Variants in SETX observed in about 807,000 individuals in gnomAD.
SETX encodes senataxin.
Under a neutral mutation model 227.2 loss-of-function variants are expected in SETX, and 90 were observed. The observed-to-expected ratio is 0.40, with a 90% CI of 0.33 to 0.47. SETX has a LOEUF of 0.47. SETX is among the 20% of genes least tolerant of loss of function. The pLI, the probability that SETX is intolerant of heterozygous loss-of-function variation, is 0.91. For synonymous variants in SETX, 1,210 were observed against 1,113.2 expected (o/e 1.09, Z -1.73); for missense variants, 3,052 against 3,181.5 (o/e 0.96, Z 0.98).
chr9:132,356,092 G>A (rs1158125160), upstream of SETX, among the ~76,000 whole-genome samples: 1 of 151,882 alleles, frequency 6.6e-6, no homozygotes, highest in Non-Finnish European at 1.5e-5. Context: ...CGAGACTGCA[G>A]TGAGCCGTGA....
chr9:132,300,558 C>T (rs1168865709), intron 12 of SETX, 72 bp downstream of exon 12: 3 of 1,494,504 alleles, frequency 2.0e-6, no homozygotes, highest in Admixed American at 1.7e-5. Flanking sequence ...ACTTGATATA[C>T]ACAATTGAGA....
At chr9:132,290,013 A>C (rs2131254824) in intron 15 of SETX, among the ~76,000 whole-genome samples, 1 of 152,258 alleles carries the variant, frequency 6.6e-6, no homozygotes, top group South Asian at 2.1e-4. Flanking sequence ...GTTTGAGACG[A>C]GCCTGGCCAA....
At position 132,327,840 on chromosome 9, in the gene SETX, T is replaced by C. The variant is rs1846932613; in HGVS notation, c.3758A>G (p.Gln1253Arg). 1 of 1,614,194 alleles carries C rather than the reference T, an allele frequency of 6.2e-7. No homozygotes were observed. Among genetic ancestry groups the C allele is most frequent in the East Asian group, 2.2e-5 (1 of 44,878 alleles). ...KKTHSDAKKG[Q>R]NRSSNYLSCR... ...ACTTAGGTAATTTGAACTTCTATTC[T>C]GTCCTTTTTTGGCATCTGAATGAGT... Residue 1253 changes from glutamine to arginine, a missense_variant, in exon 10 of 26, where the codon CAG becomes CGG. Physicochemically the swap from Gln to Arg is conservative, Grantham distance 43. Transcript: ENST00000224140.
In SETX at chr9:132,270,648, G is replaced by A. The variant is rs184585870; in HGVS notation, c.7200-946C>T. On this transcript the variant is annotated intron_variant, in intron 24 of 25. Coordinates refer to ENST00000224140, the MANE Select transcript of SETX (RefSeq NM_015046.7). Reference sequence around the variant, plus strand: ...CTATTTTTACCTGGATAAGATAATTGGAAATTTTAACAGTGCAATCTTGAA... The same window carrying A: ...CTATTTTTACCTGGATAAGATAATTAGAAATTTTAACAGTGCAATCTTGAA... 5.1e-4 allele frequency among the ~76,000 whole-genome samples: 78 copies of A among 152,280 alleles called. No homozygotes were observed. In the East Asian group the frequency reaches 9.1e-3, roughly 18 times the overall value.
intron 11 of SETX, among the ~76,000 whole-genome samples, chr9:132,308,861 G>C (rs1244051567): frequency 2.6e-5 from 4 of 152,150 alleles, no homozygotes; most frequent in Admixed American, 2.0e-4. Flanking sequence ...GAGCAAGGTA[G>C]GAGGGGTGAG....
In SETX at chr9:132,334,655, TTTTG is replaced by T. The variant is rs1411219432; in HGVS notation, c.787_790del (p.Gln263MetfsTer32). 1 of 1,613,974 alleles carries T rather than the reference TTTTG, an allele frequency of 6.2e-7. No homozygotes were observed. Among genetic ancestry groups the T allele is most frequent in the Non-Finnish European group, 8.5e-7 (1 of 1,179,972 alleles). On this transcript the variant is annotated frameshift_variant, in exon 7 of 26. Transcript: ENST00000224140. LOFTEE classifies it high-confidence loss of function. ...GTGAAGTATCGATTGCATAAAATCA[TTTTG>T]TTTGTCTGAGCCCAACAACAGGGAA...
chr9:132,300,557 A>C (rs1639917523), intron 12 of SETX, 73 bp downstream of exon 12: 2 of 1,485,138 alleles, frequency 1.3e-6, no homozygotes, highest in Non-Finnish European at 1.9e-6. Flanking sequence ...CACTTGATAT[A>C]CACAATTGAG....
chr9:132,322,228 A>G (rs1406242170), intron 10 of SETX, among the ~76,000 whole-genome samples: 1 of 152,128 alleles, frequency 6.6e-6, no homozygotes, highest in Non-Finnish European at 1.5e-5. Flanking sequence ...TGGAGACGGT[A>G]TTTCATACAA....
chr9:132,298,719 G>A (rs1316862052), intron 12 of SETX, among the ~76,000 whole-genome samples: 2 of 152,190 alleles, frequency 1.3e-5, no homozygotes, highest in Non-Finnish European at 1.5e-5. Flanking sequence ...TGCAAAGATC[G>A]TAAGACAGAG....
In SETX at chr9:132,291,675, T is replaced by C. The variant is rs186659350; in HGVS notation, c.6107-3024A>G. 1.6e-3 allele frequency among the ~76,000 whole-genome samples: 248 copies of C among 152,266 alleles called. 1 individual carries two copies. The highest frequency in any genetic ancestry group is 5.5e-3 in the African/African-American group (230 of 41,556). ...ACCAGATTTGAAAGCCCCTGAGCTG[T>C]TGTGGCACCCGTAAGGGAGCAAGGC... On this transcript the variant is annotated intron_variant, in intron 15 of 25. Transcript: ENST00000224140.
At chr9:132,268,401 T>C (rs754187041) in intron 25 of SETX, among the ~76,000 whole-genome samples, 86 of 152,186 alleles carry the variant, frequency 5.7e-4, no homozygotes, top group Non-Finnish European at 1.2e-3. Context: ...CTCAGGAGGC[T>C]GAGGTGGGAG....
At chr9:132,337,847 A>G (rs374736308) in intron 5 of SETX, among the ~76,000 whole-genome samples, 3 of 152,344 alleles carry the variant, frequency 2.0e-5, no homozygotes, top group African/African-American at 7.2e-5. Flanking sequence ...TGAAATGCAT[A>G]GTATTTACAT....
In SETX at chr9:132,298,248, T is replaced by G. The variant is rs1249221785; in HGVS notation, c.5613A>C (p.Leu1871Phe). 6.2e-7 allele frequency: 1 copy of G among 1,614,038 alleles called. No individual in the cohort carries two copies. The highest frequency in any genetic ancestry group is 1.3e-5 in the African/African-American group (1 of 74,938). Residue 1871 changes from leucine (L) to phenylalanine (F), a missense_variant, in exon 13 of 26, where the codon TTA becomes TTC. Physicochemically the swap from Leu to Phe is conservative, Grantham distance 22. Transcript: ENST00000224140. ...TTACAATACAATTCACAAGTTCGTT[T>G]AAATTGGCCGGAAAGTTCTCTTGAG... is the stretch of plus-strand genomic sequence containing the variant. ...IQTQENFPAN[L>F]NELVNCIVIS... is the part of the protein sequence containing the mutation.
At chr9:132,297,890 C>G (rs566272622) in intron 13 of SETX, among the ~76,000 whole-genome samples, 190 bp downstream of exon 13, 2 of 152,310 alleles carry the variant, frequency 1.3e-5, no homozygotes, top group African/African-American at 4.8e-5. Context: ...GCTTATTGTA[C>G]TGTACCTTTT....
intron 11 of SETX, among the ~76,000 whole-genome samples, chr9:132,306,841 G>A (rs1438503757): frequency 3.9e-5 from 6 of 151,918 alleles, no homozygotes; most frequent in Admixed American, 6.6e-5. Context: ...AGCCTACCAC[G>A]TAGCAGGGAC....
rs61630050 is a variant in SETX, at chr9:132,269,896, AGAAT to A, written c.7200-198_7200-195del. Reference sequence around the variant, plus strand: ...CCCGTGTGAGACACAGGTGGATTCTAGAATGACTCAGCATCCTCATGTGAGACAC... The same window carrying A: ...CCCGTGTGAGACACAGGTGGATTCTAGACTCAGCATCCTCATGTGAGACAC... On this transcript the variant is annotated intron_variant, in intron 24 of 25. Coordinates refer to ENST00000224140, the MANE Select transcript of SETX (RefSeq NM_015046.7). Among the ~76,000 whole-genome samples the A allele has an allele frequency of 3.4e-3, 473 of 138,094 alleles. 15 individuals carry two copies. The highest frequency in any genetic ancestry group is 0.013 in the African/African-American group (441 of 33,052). 90.6% of individuals were successfully genotyped at this position (138,094 alleles called of 152,430 possible).
rs747984870 is a variant in SETX, at chr9:132,328,760, G to A, written c.2838C>T (p.Ile946=). The change falls in exon 10 of 26, where the codon ATC becomes ATT. Residue 946 remains isoleucine, a synonymous_variant. Transcript: ENST00000224140. ...CCGTTAAGGTGTCAGATTTAGGACT[G>A]ATGTCAGGGGCCTGTTCTCTTGTCA... is the stretch of plus-strand genomic sequence containing the variant. ...SNLTREQAPD[I]SPKSDTLTDS... is the part of the protein sequence containing the mutation. The A allele has an allele frequency of 6.2e-7, 1 of 1,611,486 alleles. No homozygotes were observed. The highest frequency in any genetic ancestry group is 8.5e-7 in the Non-Finnish European group (1 of 1,179,092).
At chr9:132,271,642 C>T (rs1589610684) in intron 24 of SETX, 68 bp downstream of exon 24, 3 of 1,289,114 alleles carry the variant, frequency 2.3e-6, no homozygotes, top group Middle Eastern at 1.8e-4. Context: ...GATAATGAAC[C>T]TAATCCTGAA....
intron 20 of SETX, among the ~76,000 whole-genome samples, chr9:132,279,592 C>G (rs1843378082): frequency 6.6e-6 from 1 of 152,080 alleles, no homozygotes; most frequent in Non-Finnish European, 1.5e-5. Context: ...AAAGGCATTA[C>G]TTCTTAACCT....
Sources: allele counts gnomAD v4.1 joint callset (sites outside exome capture counted in the v4.1 genomes callset), GRCh38; gene constraint gnomAD v4.1.1; transcripts MANE v1.5; gene names NCBI Gene and HGNC (gene_info 2026-07-23, HGNC 2026-07-21).